DHX8: variants seen among roughly 807,000 people sequenced by gnomAD.
DHX8 encodes ATP-dependent RNA helicase DHX8.
In DHX8, 67 loss-of-function variants were observed where a neutral mutation model predicts 140.7. That is an observed-to-expected ratio of 0.48 (90% confidence interval 0.39 to 0.58). The LOEUF (loss-of-function observed/expected upper bound fraction) is 0.58, where lower values mean the gene tolerates loss of function less well. Among genes scored for constraint, DHX8 ranks in the 20% least tolerant of loss-of-function variants. The pLI is 0.00. For missense variants in DHX8, 887 were observed against 1,550.7 expected (o/e 0.57, Z 7.19); for synonymous variants, 533 against 553.2 (o/e 0.96, Z 0.51).
chr17:43,501,109 A>G (rs774433260), intron 11 of DHX8, among the ~76,000 whole-genome samples: 3 of 152,164 alleles, frequency 2.0e-5, no homozygotes, highest in Admixed American at 1.3e-4. Flanking sequence ...AGTCGGGGAT[A>G]TGGATATTAA....
At chr17:43,486,519 AAATT>A (rs1275503872) in intron 1 of DHX8, among the ~76,000 whole-genome samples, 10 of 149,818 alleles carry the variant, frequency 6.7e-5, no homozygotes, top group Admixed American at 2.0e-4. Flanking sequence ...TTTAAACTAT[AAATT>A]AATTTTTTAT....
intron 6 of DHX8, 123 bp from the exon 7 acceptor site, chr17:43,493,322 C>T: frequency 7.4e-7 from 1 of 1,357,432 alleles, no homozygotes; most frequent in Non-Finnish European, 1.0e-6. Context: ...TGTTTGACCA[C>T]CTTCATGGTA....
chr17:43,503,509 A>AG (rs1297892582), intron 11 of DHX8, among the ~76,000 whole-genome samples: 3 of 151,832 alleles, frequency 2.0e-5, no homozygotes, highest in Non-Finnish European at 4.4e-5. Flanking sequence ...AAAAAAAAAA[A>AG]AAAAGTTTAG....
intron 3 of DHX8, among the ~76,000 whole-genome samples, chr17:43,542,368 A>G (rs1404279082): frequency 6.6e-5 from 10 of 152,258 alleles, no homozygotes; most frequent in African/African-American, 1.9e-4. Flanking sequence ...CCTAGAGTCA[A>G]TGGCCCTTAC....
chr17:43,488,566 G>A (rs993077671), intron 1 of DHX8, among the ~76,000 whole-genome samples: 1 of 145,644 alleles, frequency 6.9e-6, no homozygotes, highest in Non-Finnish European at 1.5e-5. Context: ...AGCCGATATC[G>A]CACCGCTGCA....
chr17:43,515,450 G>C (rs1330414818), intron 17 of DHX8, among the ~76,000 whole-genome samples: 1 of 152,212 alleles, frequency 6.6e-6, no homozygotes, highest in Non-Finnish European at 1.5e-5. Context: ...GCCTTCCAAA[G>C]TGCTGGGATT....
At chr17:43,528,279 C>A, downstream of DHX8, 1 of 438,916 alleles carries the variant, frequency 2.3e-6, no homozygotes, top group Non-Finnish European at 4.0e-6. Flanking sequence ...TGAATTCCTC[C>A]AGGGCCCAGG....
chr17:43,532,009 T>A (rs1056038878), intron 2 of DHX8, among the ~76,000 whole-genome samples: 2 of 152,102 alleles, frequency 1.3e-5, no homozygotes, highest in Non-Finnish European at 2.9e-5. Context: ...AGGATCTACA[T>A]CCCCCTTTAT....
At chr17:43,535,452 A>T (rs980601261) in intron 2 of DHX8, among the ~76,000 whole-genome samples, 1 of 151,846 alleles carries the variant, frequency 6.6e-6, no homozygotes, top group African/African-American at 2.4e-5. Flanking sequence ...TAATTTTTGT[A>T]TTTTAGTAAA....
At chr17:43,506,330 A>G (rs984668386) in intron 12 of DHX8, among the ~76,000 whole-genome samples, 1 of 149,992 alleles carries the variant, frequency 6.7e-6, no homozygotes, top group Non-Finnish European at 1.5e-5. Flanking sequence ...AACAAAAAAA[A>G]TTGCCAGGCC....
chr17:43,501,977 T>A (rs1246984621), intron 11 of DHX8, among the ~76,000 whole-genome samples: 3 of 152,172 alleles, frequency 2.0e-5, no homozygotes, highest in Admixed American at 6.6e-5. Context: ...AAAAGTAATT[T>A]GTTGAATGTG....
At chr17:43,514,044 T>A (rs941403935) in intron 17 of DHX8, among the ~76,000 whole-genome samples, 1 of 151,568 alleles carries the variant, frequency 6.6e-6, no homozygotes, top group African/African-American at 2.4e-5. Context: ...ATTTCACTAT[T>A]AAAATGCCCC....
downstream of DHX8, chr17:43,528,494 C>G: frequency 6.6e-7 from 1 of 1,517,938 alleles, no homozygotes; most frequent in Non-Finnish European, 9.0e-7. Flanking sequence ...CACCCACCTG[C>G]GGCAGGGGGA....
At chr17:43,485,984 G>A (rs1343688982) in intron 1 of DHX8, among the ~76,000 whole-genome samples, 6 of 152,116 alleles carry the variant, frequency 3.9e-5, no homozygotes, top group Admixed American at 2.0e-4. Context: ...ATCCCCTGAG[G>A]TCAGGAGTTT....
intron 21 of DHX8, 51 bp from the exon 22 acceptor site, chr17:43,521,996 A>G (rs1268644470): frequency 6.3e-7 from 1 of 1,588,162 alleles, no homozygotes; most frequent in African/African-American, 1.3e-5. Flanking sequence ...CATTGTGAAA[A>G]TAGACCTGTG....
downstream of DHX8, chr17:43,529,466 C>T (rs751854022): frequency 3.2e-6 from 5 of 1,578,242 alleles, no homozygotes; most frequent in Non-Finnish European, 4.3e-6. Context: ...AGGCTGTAAA[C>T]TTTGGAAAGG....
Position 43,520,910 on chromosome 17 carries a change from G to A in DHX8, c.3066+31G>A, listed in dbSNP as rs372776000. ...AAGTTCAGATCCAAGTTTAGATGGG[G>A]GTGCCATGAAGTTGGGGTAGTTGGC... is the stretch of plus-strand genomic sequence containing the variant. On this transcript the variant is annotated intron_variant, in intron 20 of 22. Coordinates refer to ENST00000262415, the MANE Select transcript of DHX8 (RefSeq NM_004941.3). The A allele has an allele frequency of 4.1e-5, 65 of 1,587,500 alleles. No individual in the cohort carries two copies. In the African/African-American group the frequency reaches 5.9e-4, roughly 14 times the overall value.
At position 43,493,024 on chromosome 17, in the gene DHX8, C is replaced by A. The variant is rs1567677377; in HGVS notation, c.847C>A (p.Gln283Lys). The A allele has an allele frequency of 6.2e-7, 1 of 1,613,664 alleles. No homozygotes were observed. Reference protein sequence around the residue: ...TSIMQFGCFVQLEGLRKRWEG... With the variant: ...TSIMQFGCFVKLEGLRKRWEG... ...CATCATGCAGTTTGGTTGCTTTGTG[C>A]AGCTGGAAGGACTAAGGTAATGACT... is the stretch of plus-strand genomic sequence containing the variant. The change falls in exon 6 of 23, where the codon CAG (glutamine) becomes AAG (lysine). Residue 283 changes from glutamine (Q) to lysine (K), a missense_variant. Gln to Lys is a moderately conservative substitution (Grantham distance 53). Coordinates refer to ENST00000262415, the MANE Select transcript of DHX8 (RefSeq NM_004941.3).
At chr17:43,504,849 T>C (rs1969399717) in intron 12 of DHX8, 24 bp downstream of exon 12, 3 of 1,601,580 alleles carry the variant, frequency 1.9e-6, no homozygotes, top group Non-Finnish European at 2.6e-6. Flanking sequence ...TATGATGTAT[T>C]GGTGGGGAGT....
Sources: gnomAD v4.1 joint callset for allele counts (sites outside exome capture counted in the v4.1 genomes callset) on GRCh38, gnomAD v4.1.1 for gene constraint, MANE v1.5 for transcripts, NCBI Gene and HGNC (gene_info 2026-07-23, HGNC 2026-07-21) for gene names.